The following MARK2 variants were observed in gnomAD, a reference collection of about 807,000 sequenced individuals.
MARK2 encodes microtubule affinity regulating kinase 2.
MARK2 carries 16 observed loss-of-function variants against 89.8 expected under a neutral mutation model. The observed-to-expected ratio is 0.18, with a 90% CI of 0.12 to 0.27. The LOEUF (loss-of-function observed/expected upper bound fraction) is 0.27, where lower values mean the gene tolerates loss of function less well. MARK2 is among the 10% of genes least tolerant of loss of function. MARK2 has a pLI of 1.00. For missense variants in MARK2, 621 were observed against 1,049.9 expected (o/e 0.59, Z 5.65); for synonymous variants, 382 against 399.5 (o/e 0.96, Z 0.52).
Position 63,839,462 on chromosome 11 carries a change from C to T in MARK2, c.-45C>T. The stretch of plus-strand genomic sequence containing the variant: ...CGGGCTCCGCGCCTTCCCTTCCCTC[C>T]CTTCCTCCAAGCTTCTCGGTTCCCT... On this transcript the variant is annotated 5_prime_UTR_variant, in exon 1 of 19. Coordinates refer to ENST00000402010, the MANE Select transcript of MARK2 (RefSeq NM_001039469.3). 7.6e-7 allele frequency: 1 copy of T among 1,322,738 alleles called. No individual in the cohort carries two copies. Among genetic ancestry groups the T allele is most frequent in the Non-Finnish European group, 1.1e-6 (1 of 949,464 alleles). The allele number at this position is 1,322,738 out of a possible 1,614,324, so 81.9% of individuals were successfully genotyped here.
intron 1 of MARK2, among the ~76,000 whole-genome samples, chr11:63,875,279 C>T (rs1217892058): frequency 3.9e-5 from 6 of 152,212 alleles, no homozygotes; most frequent in African/African-American, 7.2e-5. Context: ...TGCCACCATG[C>T]CCAGCTAATT....
intron 1 of MARK2, 75 bp downstream of exon 1, chr11:63,839,635 C>G: frequency 1.1e-6 from 1 of 949,970 alleles, no homozygotes; most frequent in Admixed American, 2.3e-5. Flanking sequence ...CCCTCTTCTG[C>G]TCTCCTCGTG....
At chr11:63,894,514 T>C (rs1940194586) in intron 1 of MARK2, among the ~76,000 whole-genome samples, 1 of 152,060 alleles carries the variant, frequency 6.6e-6, no homozygotes, top group Non-Finnish European at 1.5e-5. Context: ...CTGACCAACA[T>C]GGAGAAACCC....
intron 1 of MARK2, among the ~76,000 whole-genome samples, chr11:63,874,177 C>T (rs1360908649): frequency 6.6e-6 from 1 of 152,202 alleles, no homozygotes; most frequent in Admixed American, 6.5e-5. Context: ...GAGAGGATGA[C>T]TTTGGCCTGG....
At position 63,855,940 on chromosome 11, in the gene MARK2, T is replaced by C. The variant is rs146172043; in HGVS notation, c.54+16380T>C. Among the ~76,000 whole-genome samples the C allele has an allele frequency of 1.3e-3, 192 of 152,370 alleles. 1 individual carries two copies. Among genetic ancestry groups the C allele is most frequent in the Middle Eastern group, 3.4e-3 (1 of 294 alleles). ...TTAGCATAAACATGTGGATTTATGA[T>C]CTTGAATGGATTAATAAATATTTTT... On this transcript the variant is annotated intron_variant, in intron 1 of 18. Coordinates refer to ENST00000402010, the MANE Select transcript of MARK2 (RefSeq NM_001039469.3).
intron 1 of MARK2, among the ~76,000 whole-genome samples, chr11:63,858,855 C>T (rs1247397750): frequency 6.6e-6 from 1 of 152,114 alleles, no homozygotes; most frequent in Non-Finnish European, 1.5e-5. Flanking sequence ...TTTCTGGGGC[C>T]CTGGCTGGGC....
At chr11:63,869,158 A>C in intron 1 of MARK2, 2 of 284,122 alleles carry the variant, frequency 7.0e-6, no homozygotes, top group Non-Finnish European at 7.1e-6. Context: ...GGGGTGGTGG[A>C]AATAAGGACC....
At chr11:63,863,319 T>G (rs904286479) in intron 1 of MARK2, among the ~76,000 whole-genome samples, 2 of 152,168 alleles carry the variant, frequency 1.3e-5, no homozygotes, top group Admixed American at 1.3e-4. Context: ...TTTATGTCTC[T>G]CTACAGAATT....
At chr11:63,895,658 C>CGGG in intron 3 of MARK2, 25 bp downstream of exon 3, 1 of 1,161,442 alleles carries the variant, frequency 8.6e-7, no homozygotes, top group Non-Finnish European at 1.2e-6. Context: ...CCTCCTGTCC[C>CGGG]TTTTTTTTTT....
rs1453923675 is a variant in MARK2, at chr11:63,902,865, T to C, written c.1416+83T>C. 2 of 1,252,010 alleles carry C rather than the reference T, an allele frequency of 1.6e-6. No homozygotes were observed. Among genetic ancestry groups the C allele is most frequent in the East Asian group, 2.4e-5 (1 of 42,458 alleles). The allele number at this position is 1,252,010 out of a possible 1,614,324, so 77.6% of individuals were successfully genotyped here. On this transcript the variant is annotated intron_variant, in intron 13 of 18. Transcript: ENST00000402010. This position sits in a 1 kb window ranked among gnomAD's most constrained non-coding sequence, Gnocchi z 4.2. ...GCAGCTCTTCTCTTAATTCAGACTC[T>C]GTTCCCTTTGGCTACTACTTCTGCT...
intron 3 of MARK2, among the ~76,000 whole-genome samples, chr11:63,897,751 G>A (rs563638211): frequency 6.6e-6 from 1 of 152,286 alleles, no homozygotes; most frequent in East Asian, 1.9e-4. Context: ...GGCCCAGGAA[G>A]GAAAGGCCTA....
chr11:63,883,282 C>T (rs1939207687), intron 1 of MARK2, among the ~76,000 whole-genome samples: 2 of 152,208 alleles, frequency 1.3e-5, no homozygotes, highest in African/African-American at 4.8e-5. Context: ...CATTCAGCTA[C>T]TCCTCCTGCA....
Position 63,909,185 on chromosome 11 carries a change from C to G in MARK2, c.2315C>G (p.Ser772Cys). 2 of 1,604,810 alleles carry G rather than the reference C, an allele frequency of 1.2e-6. No homozygotes were observed. Among genetic ancestry groups the G allele is most frequent in the East Asian group, 2.2e-5 (1 of 44,586 alleles). ...CGATTTAAGCGGATATCGGGCACCT[C>G]CATGGCCTTCAAAAACATTGCCTCC... The part of the protein sequence containing the change: ...GVRFKRISGT[S>C]MAFKNIASKI... Residue 772 changes from serine to cysteine, a missense_variant, in exon 19 of 19, where the codon TCC (serine) becomes TGC (cysteine). This residue lies in a region of MARK2 where 33 missense variants were observed against 74.5 expected (regional missense o/e 0.44). Coordinates refer to ENST00000402010, the MANE Select transcript of MARK2 (RefSeq NM_001039469.3).
intron 1 of MARK2, among the ~76,000 whole-genome samples, chr11:63,879,988 A>C (rs1938994308): frequency 6.6e-6 from 1 of 152,158 alleles, no homozygotes; most frequent in South Asian, 2.1e-4. Flanking sequence ...GGGGGTCTAG[A>C]AGGCCTGTTT....
At chr11:63,852,022 T>G (rs1032409542) in intron 1 of MARK2, among the ~76,000 whole-genome samples, 4 of 152,200 alleles carry the variant, frequency 2.6e-5, no homozygotes, top group African/African-American at 9.6e-5. Context: ...CTCTTTCAGG[T>G]GATGCACGAA....
chr11:63,906,035 G>A, intron 16 of MARK2, 53 bp from the exon 17 acceptor site: 1 of 1,214,852 alleles, frequency 8.2e-7, no homozygotes, highest in South Asian at 2.3e-5. Context: ...CGTCTTGTTG[G>A]TTTTTTTTTT....
intron 1 of MARK2, among the ~76,000 whole-genome samples, chr11:63,858,800 G>C (rs1937601590): frequency 6.6e-6 from 1 of 152,164 alleles, no homozygotes. Flanking sequence ...GTCCTCGATT[G>C]GTTGATTACT....
chr11:63,848,928 C>A (rs1335418745), intron 1 of MARK2, among the ~76,000 whole-genome samples: 2 of 151,944 alleles, frequency 1.3e-5, no homozygotes, highest in Non-Finnish European at 2.9e-5. Flanking sequence ...AGGATGGTCT[C>A]GATCTCCTGA....
intron 1 of MARK2, among the ~76,000 whole-genome samples, chr11:63,874,050 A>G (rs1435508224): frequency 6.6e-6 from 1 of 152,196 alleles, no homozygotes; most frequent in Admixed American, 6.5e-5. Context: ...CCATAGCCTT[A>G]TAGCTTCTGT....
Sources: allele counts gnomAD v4.1 joint callset (sites outside exome capture counted in the v4.1 genomes callset), GRCh38; gene constraint gnomAD v4.1.1; regional missense constraint gnomAD v4.1.1; non-coding constraint Gnocchi (gnomAD v3.1); transcripts MANE v1.5; gene names NCBI Gene and HGNC (gene_info 2026-07-23, HGNC 2026-07-21).